Variants in ABTB2 observed in about 807,000 individuals in gnomAD.
ABTB2 encodes ankyrin repeat and BTB/POZ domain-containing protein 2.
ABTB2 carries 56 observed loss-of-function variants against 104.1 expected under a neutral mutation model. The observed-to-expected ratio is 0.54, with a 90% CI of 0.43 to 0.67. The LOEUF is 0.67. Among genes scored for constraint, ABTB2 ranks in the 30% least tolerant of loss-of-function variants. ABTB2 has a pLI of 0.00. For missense variants in ABTB2, 1,279 were observed against 1,407.7 expected (o/e 0.91, Z 1.46); for synonymous variants, 606 against 608.2 (o/e 1.00, Z 0.05).
At position 34,201,008 on chromosome 11, in the gene ABTB2, A is replaced by G. The variant is rs1287644772; in HGVS notation, c.1031-3470T>C. Among the ~76,000 whole-genome samples the G allele has an allele frequency of 3.9e-5, 6 of 152,332 alleles. No individual in the cohort carries two copies. The East Asian group carries it at 9.7e-4, about 25-fold the overall frequency. On this transcript the variant is annotated intron_variant, in intron 2 of 16. Coordinates refer to ENST00000435224, the MANE Select transcript of ABTB2 (RefSeq NM_145804.3). ...TTTAAAAATCGGGCTTGCATTTCAC[A>G]TGTCTTATTTCCTTTTTCTAGACAT...
intron 14 of ABTB2, among the ~76,000 whole-genome samples, chr11:34,158,054 A>G (rs763176957): frequency 3.3e-5 from 5 of 152,206 alleles, no homozygotes; most frequent in African/African-American, 4.8e-5. Flanking sequence ...CTCAATGGAA[A>G]CCAAGCAAAG....
chr11:34,301,980 C>T (rs1854712647), intron 1 of ABTB2, among the ~76,000 whole-genome samples: 1 of 152,100 alleles, frequency 6.6e-6, no homozygotes, highest in Non-Finnish European at 1.5e-5. Context: ...GAGTGAGACC[C>T]TGTGTCAAAA....
chr11:34,217,323 A>G (rs1451845578), intron 1 of ABTB2, among the ~76,000 whole-genome samples: 2 of 152,238 alleles, frequency 1.3e-5, no homozygotes, highest in East Asian at 3.8e-4. Context: ...CTCTGATAAT[A>G]TTCCATTGTC....
At chr11:34,229,278 C>G (rs534751988) in intron 1 of ABTB2, among the ~76,000 whole-genome samples, 2 of 151,660 alleles carry the variant, frequency 1.3e-5, no homozygotes, top group Middle Eastern at 3.2e-3. Context: ...GTCAGGAGAT[C>G]AAGACCATCC....
At chr11:34,160,620 TTGGG>T (rs1259945032) in intron 11 of ABTB2, among the ~76,000 whole-genome samples, 2 of 136,956 alleles carry the variant, frequency 1.5e-5, no homozygotes, top group African/African-American at 5.4e-5. Context: ...TGTGTGTGTG[TTGGG>T]TGGGGGGGTT....
Position 34,164,748 on chromosome 11 carries a change from G to C in ABTB2, c.1926C>G (p.Gly642=). ...DPLLSMLEAH[G]MGSSLHEDMN... ...TGTCCTCGTGGAGGGAGGAGCCCATGCCGTGGGCCTCCAGCATGCTGAGGA... is the reference window on the plus strand; with the variant it reads ...TGTCCTCGTGGAGGGAGGAGCCCATCCCGTGGGCCTCCAGCATGCTGAGGA... Residue 642 remains glycine (G), a synonymous_variant, in exon 9 of 17, where the codon GGC becomes GGG. Coordinates refer to ENST00000435224, the MANE Select transcript of ABTB2 (RefSeq NM_145804.3). 6.4e-7 allele frequency: 1 copy of C among 1,558,710 alleles called. No homozygotes were observed. The highest frequency in any genetic ancestry group is 8.6e-7 in the Non-Finnish European group (1 of 1,162,294).
intron 3 of ABTB2, among the ~76,000 whole-genome samples, chr11:34,195,075 C>CCGGGGGGGG (rs1554982287): frequency 2.2e-4 from 4 of 18,076 alleles, no homozygotes; most frequent in Admixed American, 6.6e-4. Flanking sequence ...AGATGCCCGG[C>CCGGGGGGGG]GGGGGGGGGG....
At chr11:34,272,003 G>T (rs181816661) in intron 1 of ABTB2, among the ~76,000 whole-genome samples, 1 of 152,206 alleles carries the variant, frequency 6.6e-6, no homozygotes, top group Admixed American at 6.5e-5. Flanking sequence ...TATACCAGGT[G>T]CTTTTTCTGA....
intron 1 of ABTB2, among the ~76,000 whole-genome samples, chr11:34,337,222 C>G (rs535545191): frequency 9.2e-5 from 14 of 152,322 alleles, no homozygotes; most frequent in African/African-American, 3.4e-4. Context: ...AGGAAGGCCC[C>G]GATTCTGCGC....
intron 1 of ABTB2, among the ~76,000 whole-genome samples, chr11:34,244,931 C>T (rs1853967576): frequency 1.1e-5 from 1 of 94,192 alleles, no homozygotes; most frequent in South Asian, 3.4e-4. Context: ...TCGCCTGAGC[C>T]CGGGAAGTCA....
intron 1 of ABTB2, among the ~76,000 whole-genome samples, chr11:34,308,868 C>CAAAAAAAAAAAAAAAAAAAAA (rs57658114): frequency 1.2e-4 from 9 of 77,790 alleles, no homozygotes; most frequent in East Asian, 3.7e-4. Context: ...GAAACTGTCT[C>CAAAAAAAAAAAAAAAAAAAAA]AAAAAAAAAA....
At chr11:34,302,500 C>T (rs1464907194) in intron 1 of ABTB2, among the ~76,000 whole-genome samples, 1 of 152,220 alleles carries the variant, frequency 6.6e-6, no homozygotes, top group African/African-American at 2.4e-5. Context: ...AGAAGGCCTG[C>T]TCATTCCCCA....
At chr11:34,152,711 TC>T (rs1418282152) in intron 16 of ABTB2, 127 bp from the exon 17 acceptor site, 1 of 842,390 alleles carries the variant, frequency 1.2e-6, no homozygotes, top group Non-Finnish European at 1.8e-6. Flanking sequence ...GGGTAGGCGT[TC>T]CCTGTCCCTG....
intron 3 of ABTB2, among the ~76,000 whole-genome samples, chr11:34,192,608 C>T (rs368790624): frequency 1.3e-5 from 2 of 152,208 alleles, no homozygotes; most frequent in Non-Finnish European, 2.9e-5. Context: ...GAGGCGGAGA[C>T]GTGCTGTGCA....
At chr11:34,292,482 G>A (rs576522856) in intron 1 of ABTB2, among the ~76,000 whole-genome samples, 23 of 151,834 alleles carry the variant, frequency 1.5e-4, no homozygotes, top group Admixed American at 2.0e-4. Context: ...ACTGTGGTCC[G>A]AATCCAGTCA....
intron 2 of ABTB2, among the ~76,000 whole-genome samples, chr11:34,201,176 G>C (rs1413364000): frequency 6.6e-6 from 1 of 152,054 alleles, no homozygotes; most frequent in East Asian, 1.9e-4. Flanking sequence ...GGGACTCAGA[G>C]CTTCTTCTGA....
At chr11:34,332,687 T>C (rs1855146502) in intron 1 of ABTB2, among the ~76,000 whole-genome samples, 2 of 152,088 alleles carry the variant, frequency 1.3e-5, no homozygotes, top group African/African-American at 4.8e-5. Context: ...TAGCCCGCTG[T>C]CCAGCAATGC....
At chr11:34,197,293 C>T in intron 3 of ABTB2, 32 bp downstream of exon 3, 1 of 1,608,124 alleles carries the variant, frequency 6.2e-7, no homozygotes, top group Non-Finnish European at 8.5e-7. Flanking sequence ...GAGCACGTCC[C>T]ACCAGGTGCT....
intron 1 of ABTB2, among the ~76,000 whole-genome samples, chr11:34,312,140 C>CAAAAA (rs67673538): frequency 9.0e-6 from 1 of 111,170 alleles, no homozygotes; most frequent in African/African-American, 3.2e-5. Context: ...GACTCCATCT[C>CAAAAA]AAAAAAAAAA....
Sources: allele counts gnomAD v4.1 joint callset (sites outside exome capture counted in the v4.1 genomes callset), GRCh38; gene constraint gnomAD v4.1.1; transcripts MANE v1.5; gene names NCBI Gene and HGNC (gene_info 2026-07-23, HGNC 2026-07-21).